Variants in PGAM5 observed in about 807,000 individuals in gnomAD.
The protein encoded by PGAM5 is PGAM family member 5, mitochondrial serine/threonine protein phosphatase.
A neutral mutation model predicts 30.6 loss-of-function variants in PGAM5; 25 were observed. That is an observed-to-expected ratio of 0.82 (90% confidence interval 0.60 to 1.14). The LOEUF is 1.14. PGAM5 is among the 50% of genes most tolerant of loss of function. The pLI is 0.00. For missense variants in PGAM5, 384 were observed against 408.5 expected, an observed-to-expected ratio of 0.94 and a Z score of 0.52; for synonymous variants, 201 against 179.1, an observed-to-expected ratio of 1.12 and a Z score of -0.98.
At position 132,721,137 on chromosome 12, in the gene PGAM5, C is replaced by A; in HGVS notation, c.*309C>A. Reference sequence around the variant, plus strand: ...ACCATGTTCGCACCCACAGCTGACCCGTGCTGAGGGTCCAGGCTCCATTGG... The same window carrying A: ...ACCATGTTCGCACCCACAGCTGACCAGTGCTGAGGGTCCAGGCTCCATTGG... On this transcript the variant is annotated 3_prime_UTR_variant, in exon 6 of 6. Transcript: ENST00000498926. 4.3e-6 allele frequency: 1 copy of A among 232,430 alleles called. No individual in the cohort carries two copies. Among genetic ancestry groups the A allele is most frequent in the Non-Finnish European group, 8.4e-6 (1 of 119,198 alleles). 14.4% of individuals were successfully genotyped at this position (232,430 alleles called of 1,614,324 possible).
chr12:132,713,720 GAGTGC>G (rs532801815), intron 1 of PGAM5, among the ~76,000 whole-genome samples: 12 of 152,296 alleles, frequency 7.9e-5, no homozygotes, highest in South Asian at 6.2e-4. Flanking sequence ...GCCCAGGCTG[GAGTGC>G]AGTGCAGTGC....
chr12:132,712,222 TTTCA>T (rs1303541654), intron 1 of PGAM5, among the ~76,000 whole-genome samples: 2 of 152,236 alleles, frequency 1.3e-5, no homozygotes, highest in African/African-American at 4.8e-5. Flanking sequence ...AAGGTTCATG[TTTCA>T]TTGAGATTTC....
intron 1 of PGAM5, 153 bp from the exon 2 acceptor site, chr12:132,714,705 G>C (rs926513399): frequency 1.3e-6 from 1 of 755,656 alleles, no homozygotes; most frequent in East Asian, 2.7e-5. Flanking sequence ...GTGGCGGTAT[G>C]CTCAGAGAGG....
intron 5 of PGAM5, among the ~76,000 whole-genome samples, chr12:132,720,402 G>T (rs957469729): frequency 1.3e-5 from 2 of 151,658 alleles, no homozygotes; most frequent in African/African-American, 4.8e-5. Context: ...CCGCCTCCCG[G>T]GTTCACGCCA....
chr12:132,719,190 T>G, intron 5 of PGAM5: 51 of 1,166,092 alleles, frequency 4.4e-5, no homozygotes, highest in East Asian at 1.3e-4. Flanking sequence ...CTGGATCCAT[T>G]AGGAAATGTG....
intron 1 of PGAM5, among the ~76,000 whole-genome samples, chr12:132,713,678 T>C (rs1262584178): frequency 3.3e-5 from 5 of 152,184 alleles, no homozygotes; most frequent in Non-Finnish European, 5.9e-5. Context: ...TGAACTTTTT[T>C]TGTTGCTGTT....
chr12:132,721,036 G>A lies in PGAM5; in HGVS notation c.*208G>A, dbSNP rs2043639902. On this transcript the variant is annotated 3_prime_UTR_variant, in exon 6 of 6. Coordinates refer to ENST00000498926, the MANE Select transcript of PGAM5 (RefSeq NM_001170543.2). ...CCTGACCATGAACCCCCAGGATGGCGTGGGGTTTAAGGTGAAAGCGTCTCA... is the reference window on the plus strand; with the variant it reads ...CCTGACCATGAACCCCCAGGATGGCATGGGGTTTAAGGTGAAAGCGTCTCA... The A allele has an allele frequency of 1.2e-5, 7 of 591,214 alleles. No homozygotes were observed. The highest frequency in any genetic ancestry group is 2.4e-5 in the South Asian group (1 of 41,196). 36.6% of individuals were successfully genotyped at this position (591,214 alleles called of 1,614,324 possible).
intron 2 of PGAM5, among the ~76,000 whole-genome samples, chr12:132,715,315 A>C (rs1406063654): frequency 6.6e-6 from 1 of 152,158 alleles, no homozygotes; most frequent in Admixed American, 6.5e-5. Context: ...TCACGCCTGT[A>C]ATCCCAGCAC....
At chr12:132,720,330 CAG>C (rs1566001403) in intron 5 of PGAM5, among the ~76,000 whole-genome samples, 1 of 141,022 alleles carries the variant, frequency 7.1e-6, no homozygotes, top group Non-Finnish European at 1.5e-5. Context: ...TTTTTTTAGA[CAG>C]AATCTCGCTC....
intron 2 of PGAM5, 69 bp from the exon 3 acceptor site, chr12:132,717,370 G>A (rs1407753169): frequency 5.2e-5 from 79 of 1,525,350 alleles, no homozygotes; most frequent in Middle Eastern, 2.1e-4. Context: ...GTTTGCGGGC[G>A]GAGGAGGGGG....
At position 132,710,889 on chromosome 12, in the gene PGAM5, C is replaced by G; in HGVS notation, c.13C>G (p.Gln5Glu). 8.8e-7 allele frequency: 1 copy of G among 1,138,492 alleles called. No individual in the cohort carries two copies. Among genetic ancestry groups the G allele is most frequent in the Non-Finnish European group, 1.1e-6 (1 of 929,602 alleles). 70.5% of individuals were successfully genotyped at this position (1,138,492 alleles called of 1,614,324 possible). A position where few individuals can be genotyped will look rare whatever the true frequency, so the allele number is the denominator to read the frequency against. Residue 5 changes from glutamine to glutamate, a missense_variant, in exon 1 of 6, where the codon CAG becomes GAG. Physicochemically the swap from Gln to Glu is conservative, Grantham distance 29. Transcript: ENST00000498926. MAFRQALQLAACGLA... is the reference protein window; with the variant it reads MAFREALQLAACGLA... ...GGGAGCAAGCGGCATGGCGTTCCGG[C>G]AGGCGCTGCAGCTGGCGGCCTGCGG...
chr12:132,715,071 G>GT, intron 2 of PGAM5, 35 bp downstream of exon 2: 1 of 1,537,556 alleles, frequency 6.5e-7, no homozygotes, highest in East Asian at 2.5e-5. Flanking sequence ...GTGGACCCTC[G>GT]TGGTTATGTG....
intron 1 of PGAM5, among the ~76,000 whole-genome samples, chr12:132,711,955 G>C (rs910821690): frequency 6.6e-6 from 1 of 152,202 alleles, no homozygotes; most frequent in Admixed American, 6.5e-5. Flanking sequence ...CTGTCGGCCA[G>C]GACTGCTCTA....
intron 1 of PGAM5, chr12:132,711,816 T>C (rs962780620): frequency 1.3e-5 from 2 of 152,228 alleles, no homozygotes; most frequent in African/African-American, 4.8e-5. Context: ...TGCAGGTTTT[T>C]AACATTAGTT....
In PGAM5 at chr12:132,716,310, C is replaced by T. The variant is rs539979794; in HGVS notation, c.371-1129C>T. Among the ~76,000 whole-genome samples, 225 of 152,212 alleles carry T rather than the reference C, an allele frequency of 1.5e-3. 1 individual carries two copies. Among genetic ancestry groups the T allele is most frequent in the African/African-American group, 5.1e-3 (214 of 41,554 alleles). On this transcript the variant is annotated intron_variant, in intron 2 of 5. Transcript: ENST00000498926. ...CCGTGTTAGCCAGGATGGTCTCTAT[C>T]TCCTGACCTTGTGATCCACCCGCCT...
At chr12:132,717,354 G>A in intron 2 of PGAM5, 85 bp from the exon 3 acceptor site, 2 of 1,427,356 alleles carry the variant, frequency 1.4e-6, no homozygotes, top group Non-Finnish European at 1.9e-6. Flanking sequence ...GGGTGGAGGA[G>A]GGCGTGTTTG....
intron 5 of PGAM5, chr12:132,718,920 G>A (rs1194587392): frequency 9.5e-6 from 15 of 1,575,252 alleles, no homozygotes; most frequent in African/African-American, 1.3e-5. Flanking sequence ...GTTGCTGCTC[G>A]GGCTGCTCCC....
intron 5 of PGAM5, among the ~76,000 whole-genome samples, chr12:132,718,344 G>C (rs1412386475): frequency 7.0e-6 from 1 of 143,674 alleles, no homozygotes; most frequent in Non-Finnish European, 1.5e-5. Context: ...GGTGCAGACA[G>C]GGAGGGACCC....
chr12:132,717,438 G>T lies in PGAM5; in HGVS notation c.371-1G>T. 1 of 1,605,312 alleles carries T rather than the reference G, an allele frequency of 6.2e-7. No homozygotes were observed. Among genetic ancestry groups the T allele is most frequent in the South Asian group, 1.1e-5 (1 of 91,058 alleles). On this transcript the variant is annotated splice_acceptor_variant, in intron 2 of 5. Coordinates refer to ENST00000498926, the MANE Select transcript of PGAM5 (RefSeq NM_001170543.2). LOFTEE classifies it high-confidence loss of function. ...GCACTCAGGTGCCTTTCACCTTCCA[G>T]GTCGGGAGCAGGCTGAACTCACTGG...
Sources: gnomAD v4.1 joint callset for allele counts (sites outside exome capture counted in the v4.1 genomes callset) on GRCh38, gnomAD v4.1.1 for gene constraint, MANE v1.5 for transcripts, NCBI Gene and HGNC (gene_info 2026-07-23, HGNC 2026-07-21) for gene names.